The following HMGA2 variants were observed in gnomAD, a reference collection of about 807,000 sequenced individuals.
HMGA2 encodes the protein high mobility group AT-hook 2, also known as high mobility group protein HMGI-C.
Under a neutral mutation model 19.1 loss-of-function variants are expected in HMGA2, and 8 were observed. The observed-to-expected ratio is 0.42, with a 90% CI of 0.25 to 0.76. The LOEUF is 0.76. Ranked by LOEUF, HMGA2 falls within the 30% of genes least tolerant of loss-of-function variation. The pLI is 0.28. For synonymous variants in HMGA2, 60 were observed against 48.8 expected (o/e 1.23, Z -0.96); for missense variants, 109 against 136.3 (o/e 0.80, Z 1.00).
At chr12:65,891,431 C>G (rs1467359383) in intron 3 of HMGA2, among the ~76,000 whole-genome samples, 1 of 152,208 alleles carries the variant, frequency 6.6e-6, no homozygotes, top group Non-Finnish European at 1.5e-5. Flanking sequence ...CACACACTCT[C>G]CCAGTTCCCA....
chr12:65,896,695 A>T lies in HMGA2; in HGVS notation c.250-54688A>T, dbSNP rs1434766619. Among the ~76,000 whole-genome samples, 3 of 152,222 alleles carry T rather than the reference A, an allele frequency of 2.0e-5. No homozygotes were observed. The East Asian group carries it at 5.8e-4, about 29-fold the overall frequency. On this transcript the variant is annotated intron_variant, in intron 3 of 4. Coordinates refer to ENST00000403681, the MANE Select transcript of HMGA2 (RefSeq NM_003483.6). ...CAAGGCCTTTGTTGAACATAAGATG[A>T]TTCTATATACTGATCTGATCTACAG...
At chr12:65,866,381 C>A (rs112996144) in intron 3 of HMGA2, among the ~76,000 whole-genome samples, 2 of 152,116 alleles carry the variant, frequency 1.3e-5, no homozygotes, top group East Asian at 3.9e-4. Context: ...TTGGAGTAGG[C>A]GAGGCTGCTT....
In HMGA2 at chr12:65,965,148, C is replaced by T. The variant is rs78295945; in HGVS notation, c.*1856C>T. On this transcript the variant is annotated 3_prime_UTR_variant, in exon 5 of 5. Coordinates refer to ENST00000403681, the MANE Select transcript of HMGA2 (RefSeq NM_003483.6). The stretch of plus-strand genomic sequence containing the variant: ...AAATAATAAATAAAATAAAAGCCAA[C>T]CTTCAAAGAAACTTGAAGCTTTGTA... 5 of 197,798 alleles carry T rather than the reference C, an allele frequency of 2.5e-5. No individual in the cohort carries two copies. The South Asian group carries it at 5.7e-4, about 23-fold the overall frequency. The allele number at this position is 197,798 out of a possible 1,614,324, so 12.3% of individuals were successfully genotyped here. A position where few individuals can be genotyped will look rare whatever the true frequency, so the allele number is the denominator to read the frequency against.
chr12:65,888,349 G>C (rs947142543), intron 3 of HMGA2, among the ~76,000 whole-genome samples: 2 of 151,302 alleles, frequency 1.3e-5, no homozygotes, highest in Non-Finnish European at 1.5e-5. Context: ...CCAGCTACTC[G>C]GAGGCTGAGG....
chr12:65,897,746 G>A (rs1295305818), intron 3 of HMGA2, among the ~76,000 whole-genome samples: 2 of 152,176 alleles, frequency 1.3e-5, no homozygotes, highest in African/African-American at 4.8e-5. Context: ...GATCACCTGA[G>A]GTCAGGTGTT....
At chr12:65,848,374 A>C (rs1278097082) in intron 3 of HMGA2, among the ~76,000 whole-genome samples, 3 of 152,188 alleles carry the variant, frequency 2.0e-5, no homozygotes, top group Non-Finnish European at 2.9e-5. Context: ...CATGAGAATA[A>C]AGAAAAGTAA....
At chr12:65,854,105 C>T (rs1026808710) in intron 3 of HMGA2, among the ~76,000 whole-genome samples, 9 of 152,162 alleles carry the variant, frequency 5.9e-5, no homozygotes, top group African/African-American at 1.9e-4. Context: ...GTACACATTT[C>T]GAGATATCCT....
At chr12:65,875,746 C>T (rs868521135) in intron 3 of HMGA2, among the ~76,000 whole-genome samples, 6 of 151,578 alleles carry the variant, frequency 4.0e-5, no homozygotes, top group Admixed American at 6.6e-5. Flanking sequence ...CCACTGTGCC[C>T]GGCCTTGTCT....
chr12:65,962,650 C>A (rs747115296), intron 4 of HMGA2, among the ~76,000 whole-genome samples: 1 of 152,132 alleles, frequency 6.6e-6, no homozygotes, highest in Non-Finnish European at 1.5e-5. Context: ...GTGTTGGCAC[C>A]AGTACCAACC....
intron 2 of HMGA2, among the ~76,000 whole-genome samples, chr12:65,835,228 T>C (rs574375923): frequency 6.6e-6 from 1 of 152,340 alleles, no homozygotes; most frequent in South Asian, 2.1e-4. Flanking sequence ...TTTGTCTTTT[T>C]TGAAAAATAA....
chr12:65,838,164 CTT>C (rs1253701144), intron 2 of HMGA2, among the ~76,000 whole-genome samples: 1 of 151,982 alleles, frequency 6.6e-6, no homozygotes, highest in Non-Finnish European at 1.5e-5. Context: ...AAAATACTAA[CTT>C]ATGTAGTTAC....
intron 4 of HMGA2, chr12:65,952,456 T>A (rs1315643127): frequency 6.5e-7 from 1 of 1,532,774 alleles, no homozygotes; most frequent in Admixed American, 2.0e-5. Flanking sequence ...TCCAAACACA[T>A]GAAAGGATCC....
At chr12:65,883,990 C>T (rs1017291175) in intron 3 of HMGA2, among the ~76,000 whole-genome samples, 5 of 152,174 alleles carry the variant, frequency 3.3e-5, no homozygotes, top group Admixed American at 6.5e-5. Flanking sequence ...CTCAGCCTCC[C>T]GGGTAACTGG....
At chr12:65,870,732 A>G (rs1346586914) in intron 3 of HMGA2, among the ~76,000 whole-genome samples, 1 of 152,224 alleles carries the variant, frequency 6.6e-6, no homozygotes, top group Non-Finnish European at 1.5e-5. Flanking sequence ...TCTAAAAACA[A>G]AACAAAACAA....
intron 3 of HMGA2, among the ~76,000 whole-genome samples, chr12:65,932,816 A>G (rs888345195): frequency 6.6e-6 from 1 of 152,242 alleles, no homozygotes; most frequent in Admixed American, 6.5e-5. Flanking sequence ...TGACAGGTCT[A>G]CTGTCTACAA....
At chr12:65,875,842 T>C (rs978155324) in intron 3 of HMGA2, among the ~76,000 whole-genome samples, 19 of 152,000 alleles carry the variant, frequency 1.3e-4, no homozygotes, top group Non-Finnish European at 4.4e-5. Context: ...TTTCTTTTTT[T>C]ATTTGCTTTT....
intron 3 of HMGA2, among the ~76,000 whole-genome samples, chr12:65,895,421 G>C (rs1874083926): frequency 6.6e-6 from 1 of 152,068 alleles, no homozygotes; most frequent in Non-Finnish European, 1.5e-5. Context: ...GAGGCTTTAG[G>C]TTTTTAAAAG....
intron 3 of HMGA2, among the ~76,000 whole-genome samples, chr12:65,911,226 T>C (rs1347713036): frequency 2.0e-5 from 3 of 152,198 alleles, no homozygotes; most frequent in Admixed American, 2.0e-4. Context: ...AGAAGATGCC[T>C]CTAGACTCAA....
chr12:65,932,902 C>A (rs967155455), intron 3 of HMGA2, among the ~76,000 whole-genome samples: 3 of 152,190 alleles, frequency 2.0e-5, no homozygotes, highest in African/African-American at 7.2e-5. Flanking sequence ...ACAATTATTG[C>A]AATGACTATA....
Sources: allele counts gnomAD v4.1 joint callset (sites outside exome capture counted in the v4.1 genomes callset), GRCh38; gene constraint gnomAD v4.1.1; transcripts MANE v1.5; gene names NCBI Gene and HGNC (gene_info 2026-07-23, HGNC 2026-07-21).